The following ARSI variants were observed in gnomAD, a reference collection of about 807,000 sequenced individuals.
ARSI encodes arylsulfatase I.
In ARSI, 37 loss-of-function variants were observed where a neutral mutation model predicts 42.1. That is an observed-to-expected ratio of 0.88 (90% CI 0.68 to 1.16). ARSI has a LOEUF of 1.16. Among genes scored for constraint, ARSI ranks in the 50% most tolerant of loss-of-function variants. The pLI, the probability that ARSI is intolerant of heterozygous loss-of-function variation, is 0.00. For synonymous variants in ARSI, 305 were observed against 320.3 expected, an observed-to-expected ratio of 0.95 and a Z score of 0.51; for missense variants, 725 against 790.1, an observed-to-expected ratio of 0.92 and a Z score of 0.99.
chr5:150,301,090 C>T lies in ARSI; in HGVS notation c.311+973G>A, dbSNP rs1309092375. Among the ~76,000 whole-genome samples the T allele has an allele frequency of 6.6e-5, 10 of 152,286 alleles. No individual in the cohort carries two copies. The East Asian group carries it at 7.7e-4, about 12-fold the overall frequency. The stretch of plus-strand genomic sequence containing the variant: ...CTCCCACAGACCCTGAAGTTGGGCA[C>T]GGGCACCAAACTAGGCCCTCCCTGA... On this transcript the variant is annotated intron_variant, in intron 1 of 1. Coordinates refer to ENST00000328668, the MANE Select transcript of ARSI (RefSeq NM_001012301.4).
rs780887075 is a variant in ARSI, at chr5:150,302,166, C to T, written c.208G>A (p.Glu70Lys). 1.2e-6 allele frequency: 2 copies of T among 1,613,988 alleles called. No homozygotes were observed. Among genetic ancestry groups the T allele is most frequent in the Non-Finnish European group, 8.5e-7 (1 of 1,179,994 alleles). Residue 70 changes from glutamate (E) to lysine (K), a missense_variant, in exon 1 of 2, where the codon GAG becomes AAG. By Grantham distance (56) the Glu-to-Lys change is moderately conservative. Coordinates refer to ENST00000328668, the MANE Select transcript of ARSI (RefSeq NM_001012301.4). This position sits in a 1 kb window ranked among gnomAD's most constrained non-coding sequence, Gnocchi z 6.1. ...HDVGYHGSDI[E>K]TPTLDRLAAK... ...GCCAGCCTGTCCAGCGTAGGGGTCTCGATATCTGAACCATGGTAGCCCACG... is the reference window on the plus strand; with the variant it reads ...GCCAGCCTGTCCAGCGTAGGGGTCTTGATATCTGAACCATGGTAGCCCACG...
Position 150,302,185 on chromosome 5 carries a change from GC to G in ARSI, c.188del (p.Gly63AlafsTer67). The G allele has an allele frequency of 6.2e-7, 1 of 1,614,054 alleles. No individual in the cohort carries two copies. The highest frequency in any genetic ancestry group is 8.5e-7 in the Non-Finnish European group (1 of 1,180,026). On this transcript the variant is annotated frameshift_variant, in exon 1 of 2. Transcript: ENST00000328668. LOFTEE classifies it high-confidence loss of function. This position sits in a 1 kb window ranked among gnomAD's most constrained non-coding sequence, Gnocchi z 6.1. ...LTDDQGYHDVGYHGSDIETPT... is the reference protein window; with the variant it reads ...LTDDQGYHDVXYHGSDIETPT... Reference sequence around the variant, plus strand: ...GGGTCTCGATATCTGAACCATGGTAGCCCACGTCGTGGTAGCCTTGGTCGTC... The same window carrying G: ...GGGTCTCGATATCTGAACCATGGTAGCCACGTCGTGGTAGCCTTGGTCGTC...
In ARSI at chr5:150,297,380, A is replaced by G. The variant is rs145878553; in HGVS notation, c.1544T>C (p.Phe515Ser). ...PAENPRAHPD[F>S]NGGAWGPWAS... ...CCAGGGCCCCCAAGCACCCCCATTA[A>G]AGTCAGGATGAGCCCGGGGGTTCTC... is the stretch of plus-strand genomic sequence containing the variant. The change falls in exon 2 of 2, where the codon TTT becomes TCT. Residue 515 changes from phenylalanine to serine, a missense_variant. Coordinates refer to ENST00000328668, the MANE Select transcript of ARSI (RefSeq NM_001012301.4). The surrounding 1 kb of genome is among the most constrained non-coding windows in gnomAD (Gnocchi z 7.0). 1.2e-6 allele frequency: 2 copies of G among 1,611,048 alleles called. No individual in the cohort carries two copies. Among genetic ancestry groups the G allele is most frequent in the Non-Finnish European group, 8.5e-7 (1 of 1,178,606 alleles).
chr5:150,298,612 C>T lies in ARSI; in HGVS notation c.312G>A (p.Arg104=). The change falls in exon 2 of 2, where the codon AGG becomes AGA. Residue 104 remains arginine, a splice_region_variant and synonymous_variant. Transcript: ENST00000328668. ...GCTGGAGTCCTGTGTGGATCTGGTA[C>T]CTGGTGGGGAGGAGGGGAAGGCACA... ...TPSRSQLLTG[R]YQIHTGLQHS... 6.3e-7 allele frequency: 1 copy of T among 1,598,262 alleles called. No individual in the cohort carries two copies. The highest frequency in any genetic ancestry group is 1.3e-5 in the African/African-American group (1 of 74,200).
Position 150,302,193 on chromosome 5 carries a change from C to T in ARSI, c.181G>A (p.Asp61Asn), listed in dbSNP as rs1424630178. 1.2e-6 allele frequency: 2 copies of T among 1,613,988 alleles called. No homozygotes were observed. The highest frequency in any genetic ancestry group is 2.2e-5 in the East Asian group (1 of 44,860). Reference sequence around the variant, plus strand: ...ATATCTGAACCATGGTAGCCCACGTCGTGGTAGCCTTGGTCGTCCGTGAGG... The same window carrying T: ...ATATCTGAACCATGGTAGCCCACGTTGTGGTAGCCTTGGTCGTCCGTGAGG... The part of the protein sequence containing the change: ...FILTDDQGYH[D>N]VGYHGSDIET... Residue 61 changes from aspartate to asparagine, a missense_variant, in exon 1 of 2, where the codon GAC (aspartate) becomes AAC (asparagine). Coordinates refer to ENST00000328668, the MANE Select transcript of ARSI (RefSeq NM_001012301.4). The surrounding 1 kb of genome is among the most constrained non-coding windows in gnomAD (Gnocchi z 6.1).
rs758766227 is a variant in ARSI, at chr5:150,302,278, G to A, written c.96C>T (p.Pro32=). The A allele has an allele frequency of 8.7e-6, 14 of 1,605,768 alleles. No homozygotes were observed. Among genetic ancestry groups the A allele is most frequent in the Middle Eastern group, 1.7e-4 (1 of 6,046 alleles). ...WAKPSFVADG[P]GEAGEQPSAA... is the part of the protein sequence containing the mutation. ...CCGAGGGCTGCTCGCCAGCCTCCCCGGGCCCGTCGGCCACGAAGCTCGGCT... is the reference window on the plus strand; with the variant it reads ...CCGAGGGCTGCTCGCCAGCCTCCCCAGGCCCGTCGGCCACGAAGCTCGGCT... Residue 32 remains proline (P), a synonymous_variant, in exon 1 of 2, where the codon CCC becomes CCT. Transcript: ENST00000328668. This position sits in a 1 kb window ranked among gnomAD's most constrained non-coding sequence, Gnocchi z 6.1.
At position 150,297,123 on chromosome 5, in the gene ARSI, T is replaced by G; in HGVS notation, c.*91A>C. ...TCTACACCCTCCAACTCCCTGTAGA[T>G]GGAGATGTGACAGGCTTCTCCCTGA... On this transcript the variant is annotated 3_prime_UTR_variant, in exon 2 of 2. Coordinates refer to ENST00000328668, the MANE Select transcript of ARSI (RefSeq NM_001012301.4). This position sits in a 1 kb window ranked among gnomAD's most constrained non-coding sequence, Gnocchi z 7.0. 5 of 1,378,334 alleles carry G rather than the reference T, an allele frequency of 3.6e-6. No individual in the cohort carries two copies. The highest frequency in any genetic ancestry group is 1.5e-5 in the African/African-American group (1 of 68,902). The allele number at this position is 1,378,334 out of a possible 1,614,324, so 85.4% of individuals were successfully genotyped here. A position where few individuals can be genotyped will look rare whatever the true frequency, so the allele number is the denominator to read the frequency against.
Position 150,302,255 on chromosome 5 carries a change from G to A in ARSI, c.119C>T (p.Ser40Leu), listed in dbSNP as rs373063727. Residue 40 changes from serine (S) to leucine (L), a missense_variant, in exon 1 of 2, where the codon TCG becomes TTG. Ser to Leu is a moderately radical substitution (Grantham distance 145). Transcript: ENST00000328668. The surrounding 1 kb of genome is among the most constrained non-coding windows in gnomAD (Gnocchi z 6.1). ...DGPGEAGEQP[S>L]AAPPQPPHII... is the part of the protein sequence containing the mutation. ...GTGGGGAGGCTGGGGCGGAGCGGCC[G>A]AGGGCTGCTCGCCAGCCTCCCCGGG... 1.3e-5 allele frequency: 21 copies of A among 1,610,600 alleles called. No homozygotes were observed. In the East Asian group the frequency reaches 3.6e-4, roughly 27 times the overall value.
In ARSI at chr5:150,296,957, A is replaced by T; in HGVS notation, c.*257T>A. On this transcript the variant is annotated 3_prime_UTR_variant, in exon 2 of 2. Transcript: ENST00000328668. ...TTAGAGCTCATTTTACAGATGAGGAAACTGAGGCTAAAAGCTCATGTGGGT... is the reference window on the plus strand; with the variant it reads ...TTAGAGCTCATTTTACAGATGAGGATACTGAGGCTAAAAGCTCATGTGGGT... 2.6e-6 allele frequency: 1 copy of T among 389,044 alleles called. No homozygotes were observed. The highest frequency in any genetic ancestry group is 4.5e-6 in the Non-Finnish European group (1 of 220,290). 24.1% of individuals were successfully genotyped at this position (389,044 alleles called of 1,614,324 possible). A position where few individuals can be genotyped will look rare whatever the true frequency, so the allele number is the denominator to read the frequency against.
Position 150,299,819 on chromosome 5 carries a change from T to G in ARSI, c.312-1207A>C, listed in dbSNP as rs527664236. Among the ~76,000 whole-genome samples, 6 of 152,288 alleles carry G rather than the reference T, an allele frequency of 3.9e-5. 1 individual carries two copies. Among genetic ancestry groups the G allele is most frequent in the African/African-American group, 1.4e-4 (6 of 41,572 alleles). On this transcript the variant is annotated intron_variant, in intron 1 of 1. Transcript: ENST00000328668. ...CAGTTTTTTAAGACCAGCTCCCAAG[T>G]GCCTGCCTGTGAGCTCATATGACCC...
Position 150,302,408 on chromosome 5 carries a change from C to T in ARSI, c.-35G>A, listed in dbSNP as rs1205186032. 2.2e-6 allele frequency: 3 copies of T among 1,394,360 alleles called. No individual in the cohort carries two copies. Among genetic ancestry groups the T allele is most frequent in the Non-Finnish European group, 2.8e-6 (3 of 1,075,528 alleles). The allele number at this position is 1,394,360 out of a possible 1,614,324, so 86.4% of individuals were successfully genotyped here. On this transcript the variant is annotated 5_prime_UTR_variant, in exon 1 of 2. Coordinates refer to ENST00000328668, the MANE Select transcript of ARSI (RefSeq NM_001012301.4). This position sits in a 1 kb window ranked among gnomAD's most constrained non-coding sequence, Gnocchi z 6.1. Reference sequence around the variant, plus strand: ...GGCCCGCGCGTCCCGGCGCGCCGGGCTCCTGGGGCCTCACCACCTCGCGCG... The same window carrying T: ...GGCCCGCGCGTCCCGGCGCGCCGGGTTCCTGGGGCCTCACCACCTCGCGCG...
intron 1 of ARSI, among the ~76,000 whole-genome samples, chr5:150,300,399 T>G (rs902268539): frequency 1.3e-5 from 2 of 152,204 alleles, no homozygotes; most frequent in Non-Finnish European, 2.9e-5. Context: ...CAAAATCTTT[T>G]GGTGATAACG....
chr5:150,300,115 G>A (rs900749168), intron 1 of ARSI, among the ~76,000 whole-genome samples: 1 of 152,214 alleles, frequency 6.6e-6, no homozygotes, highest in African/African-American at 2.4e-5. Context: ...TTTAACCAGA[G>A]CACAGGAGTG....
rs775948256 is a variant in ARSI at position 150,297,970 on chromosome 5, A to G, written c.954T>C (p.Tyr318=). 8.1e-6 allele frequency: 13 copies of G among 1,612,158 alleles called. No homozygotes were observed. The highest frequency in any genetic ancestry group is 1.3e-5 in the African/African-American group (1 of 74,866). Residue 318 remains tyrosine (Y), a synonymous_variant, in exon 2 of 2, where the codon TAT becomes TAC. Coordinates refer to ENST00000328668, the MANE Select transcript of ARSI (RefSeq NM_001012301.4). The surrounding 1 kb of genome is among the most constrained non-coding windows in gnomAD (Gnocchi z 7.0). ...NWPLRGRKGT[Y]WEGGVRGLGF... Reference sequence around the variant, plus strand: ...CTAGGCCCCGCACGCCACCTTCCCAATAAGTGCCCTTGCGTCCTCGGAGCG... The same window carrying G: ...CTAGGCCCCGCACGCCACCTTCCCAGTAAGTGCCCTTGCGTCCTCGGAGCG...
In ARSI at chr5:150,296,344, TC is replaced by T. The variant is rs1757796798; in HGVS notation, c.*869del. 6.6e-6 allele frequency: 1 copy of T among 152,426 alleles called. No homozygotes were observed. The highest frequency in any genetic ancestry group is 6.5e-5 in the Admixed American group (1 of 15,278). 9.4% of individuals were successfully genotyped at this position (152,426 alleles called of 1,614,324 possible). A position where few individuals can be genotyped will look rare whatever the true frequency, so the allele number is the denominator to read the frequency against. ...GTCAGACAGCACTGCATCCCTCACT[TC>T]CATGTTACGACACTTTAATCAAGTT... is the stretch of plus-strand genomic sequence containing the variant. On this transcript the variant is annotated 3_prime_UTR_variant, in exon 2 of 2. Transcript: ENST00000328668.
chr5:150,298,579 G>A lies in ARSI; in HGVS notation c.345C>T (p.Ile115=), dbSNP rs1384981912. ...GGCAGTTGGGCTGCTGTGGGCGGAT[G>A]ATGGAATGCTGGAGTCCTGTGTGGA... ...YQIHTGLQHS[I]IRPQQPNCLP... is the part of the protein sequence containing the mutation. The change falls in exon 2 of 2, where the codon ATC becomes ATT. Residue 115 remains isoleucine, a synonymous_variant. Coordinates refer to ENST00000328668, the MANE Select transcript of ARSI (RefSeq NM_001012301.4). 3 of 1,612,874 alleles carry A rather than the reference G, an allele frequency of 1.9e-6. No individual in the cohort carries two copies. The highest frequency in any genetic ancestry group is 2.2e-5 in the South Asian group (2 of 90,960).
Position 150,298,310 on chromosome 5 carries a change from C to T in ARSI, c.614G>A (p.Gly205Asp), listed in dbSNP as rs1478314305. Residue 205 changes from glycine to aspartate, a missense_variant, in exon 2 of 2, where the codon GGC becomes GAC. Transcript: ENST00000328668. ...GGCATAAAGCATAGTGGAGTACTGG[C>T]CGCTGAGCCCCCAGGCCACATTCTC... ...EGENVAWGLS[G>D]QYSTMLYAQR... is the part of the protein sequence containing the mutation. The T allele has an allele frequency of 6.2e-7, 1 of 1,613,592 alleles. No individual in the cohort carries two copies. Among genetic ancestry groups the T allele is most frequent in the South Asian group, 1.1e-5 (1 of 91,060 alleles).
Position 150,298,185 on chromosome 5 carries a change from C to A in ARSI, c.739G>T (p.Glu247Ter). 6.2e-7 allele frequency: 1 copy of A among 1,614,006 alleles called. No homozygotes were observed. Among genetic ancestry groups the A allele is most frequent in the Non-Finnish European group, 8.5e-7 (1 of 1,180,036 alleles). Reference protein sequence around the residue: ...AVHTPLQSPREYLYRYRTMGN... With the variant: ...AVHTPLQSPR ...ATGGTGCGGTAGCGGTACAGGTACT[C>A]ACGAGGGGACTGCAGGGGTGTGTGT... Residue 247 changes from glutamate (E) to a stop codon, truncating the protein, a stop_gained, in exon 2 of 2, where the codon GAG becomes TAG. Coordinates refer to ENST00000328668, the MANE Select transcript of ARSI (RefSeq NM_001012301.4). LOFTEE classifies it high-confidence loss of function.
rs1757838321 is a variant in ARSI, at chr5:150,297,762, T to G, written c.1162A>C (p.Ile388Leu). Residue 388 changes from isoleucine to leucine, a missense_variant, in exon 2 of 2, where the codon ATC becomes CTC. Transcript: ENST00000328668. The surrounding 1 kb of genome is among the most constrained non-coding windows in gnomAD (Gnocchi z 7.0). ...SEGRASPRTE[I>L]LHNIDPLYNH... ...TAGAGTGGGTCAATGTTGTGCAGGA[T>G]CTCCGTGCGTGGTGAGGCCCGGCCC... 6.2e-7 allele frequency: 1 copy of G among 1,609,260 alleles called. No individual in the cohort carries two copies.
Sources: allele counts gnomAD v4.1 joint callset (sites outside exome capture counted in the v4.1 genomes callset), GRCh38; gene constraint gnomAD v4.1.1; non-coding constraint Gnocchi (gnomAD v3.1); transcripts MANE v1.5; gene names NCBI Gene and HGNC (gene_info 2026-07-23, HGNC 2026-07-21).